Variants in FIP1L1 observed in about 807,000 individuals in gnomAD.
FIP1L1 encodes factor interacting with PAPOLA and CPSF1.
A neutral mutation model predicts 84.6 loss-of-function variants in FIP1L1; 21 were observed. The ratio of observed to expected loss-of-function variants is 0.25; its 90% CI spans 0.18 to 0.36. The LOEUF is 0.36. FIP1L1 is among the 10% of genes least tolerant of loss of function. FIP1L1 has a pLI of 1.00. For missense variants in FIP1L1, 526 were observed against 751.1 expected (o/e 0.70, Z 3.50); for synonymous variants, 263 against 242.3 (o/e 1.09, Z -0.80).
At chr4:53,398,317 T>C (rs996305852) in intron 9 of FIP1L1, among the ~76,000 whole-genome samples, 14 of 152,180 alleles carry the variant, frequency 9.2e-5, no homozygotes, top group African/African-American at 3.4e-4. Context: ...TTTTTTTAAG[T>C]GGTAGAACTC....
chr4:53,420,212 A>AAAAAAAAC, intron 11 of FIP1L1, among the ~76,000 whole-genome samples: 1 of 143,064 alleles, frequency 7.0e-6, no homozygotes, highest in African/African-American at 2.8e-5. Flanking sequence ...AAAAAAAAAA[A>AAAAAAAAC]AAAAAAAAAA....
In FIP1L1 at chr4:53,452,436, A is replaced by G. The variant is rs373945433; in HGVS notation, c.1286-484A>G. Reference sequence around the variant, plus strand: ...CGGGTTCAAGTGATTCTCCTGCCTTAGCCTCCCAAATAGCCGGGATTACCG... The same window carrying G: ...CGGGTTCAAGTGATTCTCCTGCCTTGGCCTCCCAAATAGCCGGGATTACCG... On this transcript the variant is annotated intron_variant, in intron 15 of 17. Coordinates refer to ENST00000337488, the MANE Select transcript of FIP1L1 (RefSeq NM_030917.4). 4.0e-5 allele frequency among the ~76,000 whole-genome samples: 6 copies of G among 151,768 alleles called. No homozygotes were observed. In the East Asian group the frequency reaches 7.8e-4, roughly 20 times the overall value.
intron 13 of FIP1L1, 117 bp downstream of exon 13, chr4:53,428,300 A>C: frequency 1.0e-6 from 1 of 989,042 alleles, no homozygotes; most frequent in Non-Finnish European, 1.4e-6. Context: ...AATAGATATA[A>C]TATCTTCAAC....
At chr4:53,454,129 T>A (rs995164454) in intron 16 of FIP1L1, among the ~76,000 whole-genome samples, 1 of 152,238 alleles carries the variant, frequency 6.6e-6, no homozygotes, top group South Asian at 2.1e-4. Context: ...TGATTTTAGT[T>A]ATTTATATTC....
chr4:53,443,274 A>G (rs984429050), intron 14 of FIP1L1, among the ~76,000 whole-genome samples: 1 of 152,158 alleles, frequency 6.6e-6, no homozygotes, highest in African/African-American at 2.4e-5. Flanking sequence ...CATAGAAATC[A>G]AACAGTGTTG....
At chr4:53,454,088 T>C (rs1459904790) in intron 16 of FIP1L1, among the ~76,000 whole-genome samples, 1 of 152,236 alleles carries the variant, frequency 6.6e-6, no homozygotes, top group Non-Finnish European at 1.5e-5. Flanking sequence ...AAGGAAATTT[T>C]TCTTGTATGT....
chr4:53,425,616 G>A (rs979369356), intron 11 of FIP1L1, among the ~76,000 whole-genome samples: 1 of 152,082 alleles, frequency 6.6e-6, no homozygotes, highest in African/African-American at 2.4e-5. Flanking sequence ...AAGTGTAGAA[G>A]AGCTCTACAG....
intron 10 of FIP1L1, among the ~76,000 whole-genome samples, chr4:53,405,102 G>A (rs1200891561): frequency 2.0e-5 from 3 of 152,154 alleles, no homozygotes; most frequent in Non-Finnish European, 4.4e-5. Flanking sequence ...GTCCTGAATG[G>A]TAATGCCTAG....
chr4:53,429,504 G>T (rs748733214), intron 13 of FIP1L1, among the ~76,000 whole-genome samples: 16 of 152,018 alleles, frequency 1.1e-4, no homozygotes, highest in Non-Finnish European at 1.6e-4. Flanking sequence ...CTCTGAAAAA[G>T]AATTAGATAA....
At chr4:53,423,127 A>T (rs370560115) in intron 11 of FIP1L1, among the ~76,000 whole-genome samples, 8 of 152,218 alleles carry the variant, frequency 5.3e-5, no homozygotes, top group Admixed American at 2.0e-4. Context: ...CAGAATCATC[A>T]AAATATGATA....
chr4:53,425,256 G>T (rs1253374954), intron 11 of FIP1L1, among the ~76,000 whole-genome samples: 1 of 151,870 alleles, frequency 6.6e-6, no homozygotes, highest in Non-Finnish European at 1.5e-5. Flanking sequence ...TTATAGCATT[G>T]TTTTATGATA....
At chr4:53,411,692 TG>T (rs1483540417) in intron 10 of FIP1L1, among the ~76,000 whole-genome samples, 1 of 152,198 alleles carries the variant, frequency 6.6e-6, no homozygotes, top group African/African-American at 2.4e-5. Context: ...TTAATGTATA[TG>T]TAAGTGTTGA....
chr4:53,396,496 C>G (rs1428295252), intron 9 of FIP1L1, among the ~76,000 whole-genome samples: 1 of 152,082 alleles, frequency 6.6e-6, no homozygotes, highest in Non-Finnish European at 1.5e-5. Context: ...ACCTCCACCT[C>G]CCGGGTTCAA....
chr4:53,390,328 G>A (rs1216091900), intron 6 of FIP1L1, among the ~76,000 whole-genome samples, 193 bp from the exon 7 acceptor site: 3 of 152,120 alleles, frequency 2.0e-5, no homozygotes, highest in Admixed American at 6.5e-5. Flanking sequence ...CCAGTAGCAC[G>A]TATTTTAGGC....
chr4:53,398,776 A>C (rs1748737323), intron 9 of FIP1L1, among the ~76,000 whole-genome samples: 2 of 152,200 alleles, frequency 1.3e-5, no homozygotes, highest in South Asian at 4.1e-4. Context: ...GCTACAATCA[A>C]AGGATCTAAT....
rs183410524 is a variant in FIP1L1 at position 53,397,825 on chromosome 4, G to A, written c.706-1905G>A. 9.9e-4 allele frequency among the ~76,000 whole-genome samples: 151 copies of A among 152,266 alleles called. 1 individual carries two copies. Among genetic ancestry groups the A allele is most frequent in the Admixed American group, 6.7e-3 (103 of 15,300 alleles). ...TCCTTGAGCAGCTCAGTAGATGATG[G>A]TGCCATTTATTTATATGGGGAAGAC... is the stretch of plus-strand genomic sequence containing the variant. On this transcript the variant is annotated intron_variant, in intron 9 of 17. Coordinates refer to ENST00000337488, the MANE Select transcript of FIP1L1 (RefSeq NM_030917.4).
chr4:53,394,182 A>G (rs1455667845), intron 9 of FIP1L1, among the ~76,000 whole-genome samples: 2 of 152,186 alleles, frequency 1.3e-5, no homozygotes, highest in Non-Finnish European at 2.9e-5. Flanking sequence ...CTCAAAGGAT[A>G]TTAATGATAG....
At chr4:53,438,320 C>T (rs1431716222) in intron 13 of FIP1L1, among the ~76,000 whole-genome samples, 3 of 152,176 alleles carry the variant, frequency 2.0e-5, no homozygotes, top group Non-Finnish European at 4.4e-5. Flanking sequence ...TCTTCCCTTA[C>T]ACTGTTTCTC....
At chr4:53,432,008 TTTATGTATTAGAA>T (rs1286053615) in intron 13 of FIP1L1, among the ~76,000 whole-genome samples, 1 of 151,968 alleles carries the variant, frequency 6.6e-6, no homozygotes, top group African/African-American at 2.4e-5. Flanking sequence ...GTAGAGGAGA[TTTATGTATTAGAA>T]TACAACAAAG....
Sources: allele counts gnomAD v4.1 joint callset (sites outside exome capture counted in the v4.1 genomes callset), GRCh38; gene constraint gnomAD v4.1.1; transcripts MANE v1.5; gene names NCBI Gene and HGNC (gene_info 2026-07-23, HGNC 2026-07-21).